Variants in RHOD observed in about 807,000 individuals in gnomAD.
RHOD encodes ras homolog family member D.
A neutral mutation model predicts 16.7 loss-of-function variants in RHOD; 11 were observed. The observed-to-expected ratio is 0.66, with a 90% CI of 0.41 to 1.09. The LOEUF is 1.09. Ranked by LOEUF, RHOD falls within the 50% of genes least tolerant of loss-of-function variation. The probability of loss-of-function intolerance (pLI) is 0.00; values close to 1 mark genes in which losing one functional copy is unlikely to be tolerated. For synonymous variants in RHOD, 124 were observed against 126.3 expected, an observed-to-expected ratio of 0.98 and a Z score of 0.12; for missense variants, 271 against 291.7, an observed-to-expected ratio of 0.93 and a Z score of 0.52.
chr11:67,068,051 G>A (rs930206694), intron 3 of RHOD, among the ~76,000 whole-genome samples: 3 of 152,056 alleles, frequency 2.0e-5, no homozygotes, highest in Middle Eastern at 3.4e-3. Context: ...CGCCCGCCTC[G>A]GCCTCCCAAA....
intron 1 of RHOD, among the ~76,000 whole-genome samples, chr11:67,065,524 C>A (rs976224081): frequency 3.3e-5 from 5 of 152,036 alleles, no homozygotes; most frequent in Non-Finnish European, 5.9e-5. Context: ...GGCAGGCCCA[C>A]CATTCCCAGC....
intron 1 of RHOD, among the ~76,000 whole-genome samples, chr11:67,061,650 A>C (rs1277528854): frequency 1.5e-5 from 2 of 137,488 alleles, no homozygotes; most frequent in Non-Finnish European, 3.2e-5. Flanking sequence ...AAAAAAAAAA[A>C]TCAAACCCGG....
chr11:67,066,741 A>G lies in RHOD; in HGVS notation c.224A>G (p.Gln75Arg). Residue 75 changes from glutamine (Q) to arginine (R), a missense_variant, in exon 3 of 5, where the codon CAA becomes CGA. Coordinates refer to ENST00000308831, the MANE Select transcript of RHOD (RefSeq NM_014578.4). The stretch of plus-strand genomic sequence containing the variant: ...TGACCACCTCCACTCTGCCCAGGGC[A>G]AGATGACTATGACCGCCTGCGGCCC... ...VHLHIWDTAGQDDYDRLRPLF... is the reference protein window; with the variant it reads ...VHLHIWDTAGRDDYDRLRPLF... The G allele has an allele frequency of 6.2e-7, 1 of 1,608,960 alleles. No individual in the cohort carries two copies. Among genetic ancestry groups the G allele is most frequent in the South Asian group, 1.1e-5 (1 of 90,956 alleles).
At chr11:67,066,674 C>T in intron 2 of RHOD, 64 bp from the exon 3 acceptor site, 1 of 1,049,638 alleles carries the variant, frequency 9.5e-7, no homozygotes, top group Non-Finnish European at 1.5e-6. Flanking sequence ...GACCTCCTGA[C>T]ATTGGGGCAG....
rs1855034800 is a variant in RHOD, at chr11:67,071,724, A to G, written c.*122A>G. ...AACTCCACTGCAACAGACGGGCGCC[A>G]CCAAAGCCAGGCCCTGAGGCCTGGG... On this transcript the variant is annotated 3_prime_UTR_variant, in exon 5 of 5. Coordinates refer to ENST00000308831, the MANE Select transcript of RHOD (RefSeq NM_014578.4). The G allele has an allele frequency of 9.2e-7, 1 of 1,090,502 alleles. No homozygotes were observed. The highest frequency in any genetic ancestry group is 1.3e-6 in the Non-Finnish European group (1 of 786,746). 67.6% of individuals were successfully genotyped at this position (1,090,502 alleles called of 1,614,324 possible).
Position 67,071,668 on chromosome 11 carries a change from G to A in RHOD, c.*66G>A. The A allele has an allele frequency of 1.4e-6, 2 of 1,450,936 alleles. No individual in the cohort carries two copies. The highest frequency in any genetic ancestry group is 1.4e-5 in the African/African-American group (1 of 70,666). 89.9% of individuals were successfully genotyped at this position (1,450,936 alleles called of 1,614,324 possible). The stretch of plus-strand genomic sequence containing the variant: ...GCTGACCTGCTGCTGAGCTGGCTGG[G>A]CTGGACCCGGTCCCTAGGCTGTGAC... On this transcript the variant is annotated 3_prime_UTR_variant, in exon 5 of 5. Coordinates refer to ENST00000308831, the MANE Select transcript of RHOD (RefSeq NM_014578.4).
At chr11:67,058,374 C>T (rs1216837398) in intron 1 of RHOD, among the ~76,000 whole-genome samples, 2 of 152,142 alleles carry the variant, frequency 1.3e-5, no homozygotes, top group African/African-American at 2.4e-5. Flanking sequence ...GACAGGGTTT[C>T]GCCATGTTGG....
rs537995892 is a variant in RHOD, at chr11:67,066,052, G to A, written c.220+69G>A. On this transcript the variant is annotated intron_variant, in intron 2 of 4. Coordinates refer to ENST00000308831, the MANE Select transcript of RHOD (RefSeq NM_014578.4). ...GCCCCTGATGCCTGGGACAGATTCC[G>A]CTCTGCTTCCTTCTGAACCAGGGAG... 181 of 1,261,386 alleles carry A rather than the reference G, an allele frequency of 1.4e-4. 1 individual carries two copies. In the African/African-American group the frequency reaches 2.3e-3, roughly 16 times the overall value. 78.1% of individuals were successfully genotyped at this position (1,261,386 alleles called of 1,614,324 possible). A position where few individuals can be genotyped will look rare whatever the true frequency, so the allele number is the denominator to read the frequency against.
At chr11:67,065,847 T>G in intron 1 of RHOD, 49 bp from the exon 2 acceptor site, 2 of 1,286,798 alleles carry the variant, frequency 1.6e-6, no homozygotes, top group East Asian at 2.3e-5. Flanking sequence ...AAGTCCCCAG[T>G]GCCTCTCCGA....
intron 1 of RHOD, among the ~76,000 whole-genome samples, chr11:67,063,490 CTTTTT>C (rs1233216193): frequency 0.082 from 10,190 of 124,834 alleles, 606 homozygotes; most frequent in African/African-American, 0.17. Flanking sequence ...GAGACCCTAT[CTTTTT>C]TTTTTTTTTT....
chr11:67,062,643 G>A (rs575892640), intron 1 of RHOD, among the ~76,000 whole-genome samples: 7 of 152,330 alleles, frequency 4.6e-5, no homozygotes, highest in South Asian at 4.1e-4. Context: ...CCTGGAGGAC[G>A]GTGCTGACCC....
intron 1 of RHOD, among the ~76,000 whole-genome samples, chr11:67,060,870 G>A (rs916778660): frequency 2.0e-5 from 3 of 152,224 alleles, no homozygotes; most frequent in African/African-American, 7.2e-5. Flanking sequence ...AGATCAAGAA[G>A]GTGACTGAGT....
At chr11:67,070,696 C>T in intron 4 of RHOD, 137 bp downstream of exon 4, 1 of 963,124 alleles carries the variant, frequency 1.0e-6, no homozygotes, top group Non-Finnish European at 1.5e-6. Flanking sequence ...TGTCAGAGGT[C>T]AGAAACTTCC....
At chr11:67,066,099 A>G (rs1191018449) in intron 2 of RHOD, 116 bp downstream of exon 2, 7 of 837,054 alleles carry the variant, frequency 8.4e-6, no homozygotes, top group South Asian at 6.6e-5. Context: ...TCCAAGGGAC[A>G]GGTGTGGGCC....
At chr11:67,061,792 A>G (rs4930408) in intron 1 of RHOD, among the ~76,000 whole-genome samples, 8,766 of 126,958 alleles carry the variant, frequency 0.069, 874 homozygotes, top group African/African-American at 0.24. Flanking sequence ...GTGTGTGTGT[A>G]TATATATATA....
At chr11:67,057,384 CTT>C (rs1346323852) in intron 1 of RHOD, among the ~76,000 whole-genome samples, 1 of 152,224 alleles carries the variant, frequency 6.6e-6, no homozygotes, top group Non-Finnish European at 1.5e-5. Flanking sequence ...GGCTTTGCCT[CTT>C]ATAGCTGTGT....
At position 67,062,728 on chromosome 11, in the gene RHOD, C is replaced by T. The variant is rs540622537; in HGVS notation, c.133-3168C>T. Among the ~76,000 whole-genome samples, 28 of 152,322 alleles carry T rather than the reference C, an allele frequency of 1.8e-4. No homozygotes were observed. In the South Asian group the frequency reaches 5.8e-3, roughly 32 times the overall value. ...CCAGCGGGCAGGCAGGCGTGAAATT[C>T]TCCTGAGTCACGGGCAGGTGTGGGC... is the stretch of plus-strand genomic sequence containing the variant. On this transcript the variant is annotated intron_variant, in intron 1 of 4. Transcript: ENST00000308831.
intron 3 of RHOD, among the ~76,000 whole-genome samples, chr11:67,068,311 G>A (rs1479504566): frequency 6.6e-6 from 1 of 152,180 alleles, no homozygotes; most frequent in Non-Finnish European, 1.5e-5. Context: ...AAAGCCTGGG[G>A]GAGGCTGCCC....
intron 3 of RHOD, among the ~76,000 whole-genome samples, chr11:67,067,745 G>A (rs928501560): frequency 2.0e-5 from 3 of 152,098 alleles, no homozygotes; most frequent in Non-Finnish European, 4.4e-5. Context: ...GGAGTTTGCT[G>A]ATGATCAGAG....
Sources: allele counts gnomAD v4.1 joint callset (sites outside exome capture counted in the v4.1 genomes callset), GRCh38; gene constraint gnomAD v4.1.1; transcripts MANE v1.5; gene names NCBI Gene and HGNC (gene_info 2026-07-23, HGNC 2026-07-21).